The following SORCS3 variants were observed in gnomAD, a reference collection of about 807,000 sequenced individuals.
SORCS3 encodes sortilin related VPS10 domain containing receptor 3.
Under a neutral mutation model 146.3 loss-of-function variants are expected in SORCS3, and 57 were observed. The observed-to-expected ratio is 0.39, with a 90% CI of 0.31 to 0.49. The LOEUF (loss-of-function observed/expected upper bound fraction) is 0.49, where lower values mean the gene tolerates loss of function less well. SORCS3 is among the 20% of genes least tolerant of loss of function. The pLI is 0.92. For synonymous variants in SORCS3, 653 were observed against 618.5 expected, an observed-to-expected ratio of 1.06 and a Z score of -0.83; for missense variants, 1,341 against 1,575.5, an observed-to-expected ratio of 0.85 and a Z score of 2.52.
At chr10:104,959,012 G>A (rs989473843) in intron 3 of SORCS3, among the ~76,000 whole-genome samples, 1 of 152,122 alleles carries the variant, frequency 6.6e-6, no homozygotes, top group Non-Finnish European at 1.5e-5. Flanking sequence ...AATTTGAGAT[G>A]AGATTTGGAT....
intron 1 of SORCS3, among the ~76,000 whole-genome samples, chr10:104,792,265 C>T (rs1420921054): frequency 1.3e-5 from 2 of 152,120 alleles, no homozygotes; most frequent in Non-Finnish European, 2.9e-5. Flanking sequence ...CATCTCTATC[C>T]TGGTAGATGT....
At chr10:104,771,418 C>T (rs967887560) in intron 1 of SORCS3, among the ~76,000 whole-genome samples, 88 of 152,102 alleles carry the variant, frequency 5.8e-4, no homozygotes, top group Non-Finnish European at 8.2e-4. Flanking sequence ...CTGCTTGGCC[C>T]CTGACCCTCT....
intron 4 of SORCS3, among the ~76,000 whole-genome samples, chr10:104,990,324 G>A (rs779272918): frequency 6.6e-6 from 1 of 152,166 alleles, no homozygotes; most frequent in African/African-American, 2.4e-5. Flanking sequence ...TATTGACTGC[G>A]TTCTCTTACT....
intron 1 of SORCS3, among the ~76,000 whole-genome samples, chr10:104,675,783 T>C (rs2015906209): frequency 6.6e-6 from 1 of 152,238 alleles, no homozygotes; most frequent in African/African-American, 2.4e-5. Flanking sequence ...ATCTTATTAT[T>C]TGGTAATCTA....
intron 9 of SORCS3, among the ~76,000 whole-genome samples, chr10:105,154,964 CAAACACAA>C (rs1473610733): frequency 6.6e-6 from 1 of 152,174 alleles, no homozygotes; most frequent in African/African-American, 2.4e-5. Context: ...TTGAACTATC[CAAACACAA>C]GTGGGAAATG....
At chr10:104,817,043 G>C (rs1019615915) in intron 1 of SORCS3, among the ~76,000 whole-genome samples, 3 of 152,170 alleles carry the variant, frequency 2.0e-5, no homozygotes, top group African/African-American at 7.2e-5. Flanking sequence ...CACAGTGTCT[G>C]TTCCCCTCAA....
At chr10:105,225,632 T>G (rs1264926129) in intron 20 of SORCS3, among the ~76,000 whole-genome samples, 1 of 152,082 alleles carries the variant, frequency 6.6e-6, no homozygotes, top group Non-Finnish European at 1.5e-5. Context: ...TGCTAGGATT[T>G]TGATGGGCAT....
At chr10:104,644,055 G>A (rs914399294) in intron 1 of SORCS3, among the ~76,000 whole-genome samples, 1 of 152,228 alleles carries the variant, frequency 6.6e-6, no homozygotes, top group African/African-American at 2.4e-5. Context: ...GAGGTGAGGG[G>A]CAGGTCTGGC....
chr10:105,043,116 A>G lies in SORCS3; in HGVS notation c.1016A>G (p.Asn339Ser), dbSNP rs2055348625. The change falls in exon 5 of 27, where the codon AAC (asparagine) becomes AGC (serine). Residue 339 changes from asparagine (N) to serine (S), a missense_variant. Physicochemically the swap from Asn to Ser is conservative, Grantham distance 46. Transcript: ENST00000369701. ...WQLMHERITP[N>S]RFYWSVAGLD... is the part of the protein sequence containing the mutation. ...CTCATGCATGAACGCATCACACCCA[A>G]CAGGTTTTATTGGTAAGCCCTATCC... The G allele has an allele frequency of 6.2e-7, 1 of 1,613,718 alleles. No individual in the cohort carries two copies. Among genetic ancestry groups the G allele is most frequent in the South Asian group, 1.1e-5 (1 of 91,082 alleles).
chr10:105,051,311 G>A (rs1007085919), intron 5 of SORCS3, among the ~76,000 whole-genome samples: 3 of 152,076 alleles, frequency 2.0e-5, no homozygotes, highest in Non-Finnish European at 4.4e-5. Flanking sequence ...GTGGGTGGAG[G>A]ATGAAGGGCA....
intron 5 of SORCS3, among the ~76,000 whole-genome samples, chr10:105,063,040 G>A (rs1029001912): frequency 3.9e-5 from 6 of 152,184 alleles, no homozygotes; most frequent in African/African-American, 7.2e-5. Context: ...GTCATTAATC[G>A]CTAATTGCTG....
intron 1 of SORCS3, among the ~76,000 whole-genome samples, chr10:104,747,037 A>G (rs1030138787): frequency 6.6e-6 from 1 of 152,170 alleles, no homozygotes; most frequent in African/African-American, 2.4e-5. Flanking sequence ...TTCAACTCCA[A>G]GTCTGTGTGA....
intron 1 of SORCS3, among the ~76,000 whole-genome samples, chr10:104,711,648 A>G (rs2016417811): frequency 6.6e-6 from 1 of 152,200 alleles, no homozygotes; most frequent in Admixed American, 6.5e-5. Flanking sequence ...TCCCAGCACC[A>G]AGTTGTGGCC....
intron 1 of SORCS3, among the ~76,000 whole-genome samples, chr10:104,700,358 C>T (rs1392978255): frequency 6.6e-6 from 1 of 152,194 alleles, no homozygotes; most frequent in African/African-American, 2.4e-5. Flanking sequence ...TCTCTGTTTC[C>T]AATGCTGCTT....
chr10:105,039,713 C>T (rs1035268098), intron 4 of SORCS3, among the ~76,000 whole-genome samples: 1 of 151,960 alleles, frequency 6.6e-6, no homozygotes, highest in African/African-American at 2.4e-5. Flanking sequence ...CCTCAGCCTC[C>T]CAAAGTGCTG....
chr10:105,008,589 C>A (rs2055112082), intron 4 of SORCS3, among the ~76,000 whole-genome samples: 1 of 152,168 alleles, frequency 6.6e-6, no homozygotes, highest in Admixed American at 6.6e-5. Context: ...CTGAATATTA[C>A]TGAAACTATA....
At chr10:104,909,380 G>A (rs1353842971) in intron 2 of SORCS3, among the ~76,000 whole-genome samples, 7 of 152,134 alleles carry the variant, frequency 4.6e-5, no homozygotes, top group Admixed American at 6.5e-5. Context: ...ACATGGCAAC[G>A]CAGAAGTTGC....
At chr10:104,744,960 A>G (rs781100813) in intron 1 of SORCS3, among the ~76,000 whole-genome samples, 26 of 152,360 alleles carry the variant, frequency 1.7e-4, no homozygotes, top group Non-Finnish European at 3.2e-4. Context: ...CATGCACATT[A>G]ATTCCAAATG....
intron 7 of SORCS3, among the ~76,000 whole-genome samples, chr10:105,124,625 C>T (rs185576963): frequency 6.6e-6 from 1 of 152,166 alleles, no homozygotes; most frequent in Non-Finnish European, 1.5e-5. Flanking sequence ...TCCCTCTCTG[C>T]ATTTCTTGGG....
Sources: gnomAD v4.1 joint callset for allele counts (sites outside exome capture counted in the v4.1 genomes callset) on GRCh38, gnomAD v4.1.1 for gene constraint, MANE v1.5 for transcripts, NCBI Gene and HGNC (gene_info 2026-07-23, HGNC 2026-07-21) for gene names.